The following ACCSL variants were observed in gnomAD, a reference collection of about 807,000 sequenced individuals.
ACCSL encodes 1-aminocyclopropane-1-carboxylate synthase homolog (inactive) like.
A neutral mutation model predicts 61.7 loss-of-function variants in ACCSL; 55 were observed. The ratio of observed to expected loss-of-function variants is 0.89; its 90% CI spans 0.72 to 1.12. ACCSL has a LOEUF of 1.12. Among genes scored for constraint, ACCSL ranks in the 50% most tolerant of loss-of-function variants. The pLI, the probability that ACCSL is intolerant of heterozygous loss-of-function variation, is 0.00. For synonymous variants in ACCSL, 258 were observed against 264.3 expected (o/e 0.98, Z 0.23); for missense variants, 632 against 698.0 (o/e 0.91, Z 1.07).
chr11:43,955,803 C>T, the ACCSL span, among the ~76,000 whole-genome samples: 1 of 151,950 alleles, frequency 6.6e-6, no homozygotes, highest in Non-Finnish European at 1.5e-5. Context: ...TTTATGTCTA[C>T]ACCTTAGCAC....
the ACCSL span, among the ~76,000 whole-genome samples, chr11:43,967,167 CT>C: frequency 1.3e-3 from 79 of 62,694 alleles, no homozygotes; most frequent in South Asian, 1.5e-3. Context: ...TCTTCTTCTT[CT>C]TTTTTTTTTT....
At chr11:43,969,247 G>A in the ACCSL span, among the ~76,000 whole-genome samples, 2 of 152,078 alleles carry the variant, frequency 1.3e-5, no homozygotes, top group African/African-American at 4.8e-5. Flanking sequence ...TGTAGTCTCA[G>A]CTACTCGGGA....
chr11:43,986,281 G>A, the ACCSL span, among the ~76,000 whole-genome samples: 4 of 151,860 alleles, frequency 2.6e-5, no homozygotes, highest in Admixed American at 2.0e-4. Context: ...CTGTCTCCCT[G>A]CTGTCTTTTT....
intron 13 of ACCSL, 56 bp downstream of exon 13, chr11:44,058,755 A>G: frequency 6.4e-7 from 1 of 1,555,532 alleles, no homozygotes; most frequent in Non-Finnish European, 8.7e-7. Context: ...TTAATATGTC[A>G]ATCTTCTCCC....
the ACCSL span, among the ~76,000 whole-genome samples, chr11:43,929,266 G>T: frequency 7.2e-5 from 11 of 152,132 alleles, no homozygotes; most frequent in African/African-American, 1.9e-4. Context: ...TGTTACCCAG[G>T]CTGGAGTCAT....
the ACCSL span, among the ~76,000 whole-genome samples, chr11:43,950,722 C>T: frequency 6.6e-6 from 1 of 152,194 alleles, no homozygotes; most frequent in Non-Finnish European, 1.5e-5. Flanking sequence ...GCCAGAGAAA[C>T]AAGATGGAAG....
At chr11:44,000,746 A>AAAGAAAGAAAGG in the ACCSL span, among the ~76,000 whole-genome samples, 2 of 151,908 alleles carry the variant, frequency 1.3e-5, no homozygotes, top group Admixed American at 6.6e-5. Context: ...AGAAAGAAAG[A>AAAGAAAGAAAGG]AAGAAAATTG....
At chr11:44,040,714 G>A in the ACCSL span, among the ~76,000 whole-genome samples, 1 of 152,194 alleles carries the variant, frequency 6.6e-6, no homozygotes, top group Non-Finnish European at 1.5e-5. Flanking sequence ...AATGTGAGCT[G>A]TGGGATGTAG....
the ACCSL span, among the ~76,000 whole-genome samples, chr11:43,973,613 A>C: frequency 6.6e-6 from 1 of 152,214 alleles, no homozygotes; most frequent in African/African-American, 2.4e-5. Flanking sequence ...ATTTGATTGC[A>C]TTAATATACA....
the ACCSL span, among the ~76,000 whole-genome samples, chr11:43,937,568 T>C: frequency 6.1e-3 from 934 of 152,320 alleles, 10 homozygotes; most frequent in South Asian, 0.046. Flanking sequence ...GTTTTCCTCC[T>C]ACCCTGTTGA....
chr11:43,943,003 G>A, the ACCSL span: 1 of 1,505,772 alleles, frequency 6.6e-7, no homozygotes, highest in Non-Finnish European at 8.9e-7. The surrounding 1 kb of genome is among the most constrained non-coding windows in gnomAD (Gnocchi z 4.8). Flanking sequence ...CGCAGCCCGT[G>A]CGGCCCGCCA....
At chr11:44,050,341 T>C (rs1458779019) in intron 2 of ACCSL, among the ~76,000 whole-genome samples, 1 of 152,216 alleles carries the variant, frequency 6.6e-6, no homozygotes, top group Non-Finnish European at 1.5e-5. Context: ...TGGGAACCTC[T>C]GGGTCAAATA....
the ACCSL span, among the ~76,000 whole-genome samples, chr11:44,041,020 T>C: frequency 1.3e-5 from 2 of 152,180 alleles, no homozygotes; most frequent in Non-Finnish European, 2.9e-5. Context: ...GATGGTACCC[T>C]CCTAATAGGA....
the ACCSL span, chr11:43,926,599 A>AAACCCATGTGGCT: frequency 2.7e-6 from 1 of 367,910 alleles, no homozygotes; most frequent in East Asian, 8.3e-5. Context: ...AGATAGAAGT[A>AAACCCATGTGGCT]AACCCATGTG....
intron 8 of ACCSL, 74 bp from the exon 9 acceptor site, chr11:44,055,128 T>C: frequency 9.3e-7 from 1 of 1,069,672 alleles, no homozygotes; most frequent in Non-Finnish European, 1.4e-6. Context: ...ACAAAGATGC[T>C]TGTAAAAAGC....
At chr11:43,952,990 A>G in the ACCSL span, among the ~76,000 whole-genome samples, 1 of 152,034 alleles carries the variant, frequency 6.6e-6, no homozygotes, top group African/African-American at 2.4e-5. Context: ...TGCTATGCAC[A>G]GTGACTGCTG....
the ACCSL span, among the ~76,000 whole-genome samples, chr11:43,963,437 CA>C: frequency 6.6e-6 from 1 of 152,342 alleles, no homozygotes; most frequent in African/African-American, 2.4e-5. Flanking sequence ...TGCCAGCTCA[CA>C]ATCTCTTCTC....
At position 44,056,201 on chromosome 11, in the gene ACCSL, G is replaced by C. The variant is rs1488042511; in HGVS notation, c.1202G>C (p.Gly401Ala). 1 of 1,614,134 alleles carries C rather than the reference G, an allele frequency of 6.2e-7. No individual in the cohort carries two copies. The highest frequency in any genetic ancestry group is 1.3e-5 in the African/African-American group (1 of 75,038). ...WGTSKDFGIS[G>A]FRFGALYTHN... ...TTCCTCTAGGATTTTGGCATCTCTGGCTTCCGCTTTGGTGCTCTGTATACC... is the reference window on the plus strand; with the variant it reads ...TTCCTCTAGGATTTTGGCATCTCTGCCTTCCGCTTTGGTGCTCTGTATACC... The change falls in exon 11 of 14, where the codon GGC (glycine) becomes GCC (alanine). Residue 401 changes from glycine to alanine, a missense_variant. Transcript: ENST00000378832.
chr11:43,998,088 C>A, the ACCSL span, among the ~76,000 whole-genome samples: 1 of 152,174 alleles, frequency 6.6e-6, no homozygotes, highest in African/African-American at 2.4e-5. Context: ...GTTTCTTAAC[C>A]GTTTCGGTCT....
Sources: gnomAD v4.1 joint callset for allele counts (sites outside exome capture counted in the v4.1 genomes callset) on GRCh38, gnomAD v4.1.1 for gene constraint, Gnocchi (gnomAD v3.1) non-coding constraint, MANE v1.5 for transcripts, NCBI Gene and HGNC (gene_info 2026-07-23, HGNC 2026-07-21) for gene names.